The following NAV3 variants were observed in gnomAD, a reference collection of about 807,000 sequenced individuals.
NAV3 encodes neuron navigator 3, also known as pore membrane and/or filament interacting like protein 1.
In NAV3, 87 loss-of-function variants were observed where a neutral mutation model predicts 244.7. The ratio of observed to expected loss-of-function variants is 0.36; its 90% CI spans 0.30 to 0.42. NAV3 has a LOEUF of 0.42. Ranked by LOEUF, NAV3 falls within the 20% of genes least tolerant of loss-of-function variation. The pLI, the probability that NAV3 is intolerant of heterozygous loss-of-function variation, is 1.00. For missense variants in NAV3, 2,663 were observed against 2,893.3 expected (o/e 0.92, Z 1.83); for synonymous variants, 1,126 against 1,042.2 (o/e 1.08, Z -1.55).
intron 2 of NAV3, among the ~76,000 whole-genome samples, chr12:77,776,959 G>A (rs1870393228): frequency 1.3e-5 from 2 of 152,146 alleles, no homozygotes; most frequent in African/African-American, 2.4e-5. Flanking sequence ...CGTTTAATAG[G>A]AAAGCAAGAA....
chr12:77,997,435 A>G (rs1183916418), intron 6 of NAV3, among the ~76,000 whole-genome samples: 8 of 152,174 alleles, frequency 5.3e-5, no homozygotes, highest in Non-Finnish European at 1.2e-4. Flanking sequence ...AGTGAAATGA[A>G]TGATCGAAAC....
chr12:78,192,393 A>G (rs573860023), intron 34 of NAV3, among the ~76,000 whole-genome samples: 24 of 150,650 alleles, frequency 1.6e-4, no homozygotes, highest in Admixed American at 3.3e-4. Context: ...ATTTTTTATT[A>G]TTTTATTTTA....
Position 77,792,043 on chromosome 12 carries a change from T to A in NAV3, c.73-148276T>A, listed in dbSNP as rs143856993. On this transcript the variant is annotated intron_variant, in intron 2 of 8. Coordinates refer to the NAV3 transcript ENST00000550042. ...ACTGTACTTCTATTCTAAAAGCCTG[T>A]TAAATACAAGGCATCTTTAAGTCTT... Among the ~76,000 whole-genome samples the A allele has an allele frequency of 3.9e-3, 597 of 152,350 alleles. 5 individuals carry two copies. The highest frequency in any genetic ancestry group is 6.8e-3 in the Middle Eastern group (2 of 294).
At chr12:77,916,040 G>A (rs912200813) in intron 1 of NAV3, among the ~76,000 whole-genome samples, 13 of 152,086 alleles carry the variant, frequency 8.5e-5, no homozygotes, top group Non-Finnish European at 1.6e-4. Flanking sequence ...ATGGGAAGAG[G>A]CTGTTTTATC....
intron 2 of NAV3, among the ~76,000 whole-genome samples, chr12:77,574,646 A>G (rs1868993685): frequency 6.6e-6 from 1 of 152,124 alleles, no homozygotes; most frequent in Non-Finnish European, 1.5e-5. Context: ...GGTGTTTGGC[A>G]TATTGTACAC....
intron 2 of NAV3, among the ~76,000 whole-genome samples, chr12:77,802,680 T>A (rs1019393935): frequency 2.6e-5 from 4 of 152,162 alleles, no homozygotes; most frequent in African/African-American, 9.7e-5. Flanking sequence ...TTTTTCTTTT[T>A]TTTTGAGATG....
chr12:77,740,740 A>G (rs144251956), intron 2 of NAV3, among the ~76,000 whole-genome samples: 20 of 152,212 alleles, frequency 1.3e-4, no homozygotes, highest in African/African-American at 4.8e-4. Flanking sequence ...AACCATTTCT[A>G]TTGAGGATAG....
intron 2 of NAV3, among the ~76,000 whole-genome samples, chr12:77,819,247 C>T (rs75035946): frequency 2.6e-5 from 4 of 151,862 alleles, no homozygotes; most frequent in Non-Finnish European, 4.4e-5. Flanking sequence ...AGATTTTTCA[C>T]GTTTACCCTT....
chr12:77,598,321 T>G (rs550963128), intron 2 of NAV3, among the ~76,000 whole-genome samples: 2 of 152,192 alleles, frequency 1.3e-5, no homozygotes, highest in South Asian at 4.1e-4. Flanking sequence ...GACCATTTCA[T>G]TATTGTTGAG....
intron 1 of NAV3, among the ~76,000 whole-genome samples, chr12:77,885,084 C>A (rs1883120255): frequency 6.6e-6 from 1 of 152,040 alleles, no homozygotes; most frequent in South Asian, 2.1e-4. Context: ...TAATGTCAAA[C>A]TTTATGTTAC....
chr12:77,759,944 CAA>C (rs1467552641), intron 2 of NAV3, among the ~76,000 whole-genome samples: 1 of 152,130 alleles, frequency 6.6e-6, no homozygotes, highest in Non-Finnish European at 1.5e-5. Context: ...AGCAGATACC[CAA>C]AGAGTGGAAT....
upstream of NAV3, among the ~76,000 whole-genome samples, chr12:77,828,789 A>G (rs1873288031): frequency 6.6e-6 from 1 of 152,184 alleles, no homozygotes; most frequent in African/African-American, 2.4e-5. Flanking sequence ...AGGTATTTCA[A>G]AGTGAAAAGA....
intron 9 of NAV3, among the ~76,000 whole-genome samples, chr12:78,030,708 A>AACAAATAGATAAAATTTAACACC (rs1878832011): frequency 6.6e-6 from 1 of 152,182 alleles, no homozygotes; most frequent in Non-Finnish European, 1.5e-5. Flanking sequence ...AAAAGTAAGA[A>AACAAATAGATAAAATTTAACACC]ACAAATAGAT....
At chr12:77,984,912 G>C (rs1431339086) in intron 5 of NAV3, among the ~76,000 whole-genome samples, 1 of 152,088 alleles carries the variant, frequency 6.6e-6, no homozygotes, top group Non-Finnish European at 1.5e-5. Flanking sequence ...CACCTCCTGG[G>C]TTCAAGCGAT....
At chr12:77,915,508 G>A (rs935720478) in intron 1 of NAV3, among the ~76,000 whole-genome samples, 1 of 151,538 alleles carries the variant, frequency 6.6e-6, no homozygotes, top group African/African-American at 2.4e-5. Context: ...TTTCCCACTG[G>A]ATCTCTTCAT....
chr12:77,943,344 T>C (rs1890050420), intron 3 of NAV3, among the ~76,000 whole-genome samples: 1 of 152,206 alleles, frequency 6.6e-6, no homozygotes. Context: ...AAAGGTAGTT[T>C]ATTCAGCCAA....
chr12:77,701,099 C>G (rs1315391853), intron 2 of NAV3, among the ~76,000 whole-genome samples: 1 of 151,724 alleles, frequency 6.6e-6, no homozygotes, highest in Non-Finnish European at 1.5e-5. Context: ...TTTCCTGCTT[C>G]TCTGTTTCTA....
chr12:77,666,893 A>G (rs1160720282), intron 2 of NAV3, among the ~76,000 whole-genome samples: 2 of 152,166 alleles, frequency 1.3e-5, no homozygotes, highest in African/African-American at 2.4e-5. Flanking sequence ...ATTTAATTTC[A>G]TAACTAAGTC....
intron 14 of NAV3, among the ~76,000 whole-genome samples, chr12:78,118,921 A>G (rs1007109728): frequency 6.6e-6 from 1 of 152,234 alleles, no homozygotes; most frequent in Non-Finnish European, 1.5e-5. Context: ...ATTCAAATGA[A>G]TTCTTTTTCT....
Sources: gnomAD v4.1 joint callset for allele counts (sites outside exome capture counted in the v4.1 genomes callset) on GRCh38, gnomAD v4.1.1 for gene constraint, MANE v1.5 for transcripts, NCBI Gene and HGNC (gene_info 2026-07-23, HGNC 2026-07-21) for gene names.